Variants in CADM1 observed in about 807,000 individuals in gnomAD.
CADM1 encodes the protein TSLC-1.
A neutral mutation model predicts 53.1 loss-of-function variants in CADM1; 15 were observed. The ratio of observed to expected loss-of-function variants is 0.28; its 90% confidence interval spans 0.19 to 0.44. The LOEUF is 0.44. Ranked by LOEUF, CADM1 falls within the 20% of genes least tolerant of loss-of-function variation. The probability of loss-of-function intolerance (pLI) is 1.00; values close to 1 mark genes in which losing one functional copy is unlikely to be tolerated. For synonymous variants in CADM1, 281 were observed against 243.0 expected, an observed-to-expected ratio of 1.16 and a Z score of -1.45; for missense variants, 434 against 611.3, an observed-to-expected ratio of 0.71 and a Z score of 3.06.
Position 115,504,390 on chromosome 11 carries a change from G to A in CADM1, c.5C>T (p.Ala2Val), listed in dbSNP as rs1488088409. The A allele has an allele frequency of 7.8e-6, 12 of 1,545,714 alleles. No individual in the cohort carries two copies. The highest frequency in any genetic ancestry group is 1.2e-5 in the South Asian group (1 of 83,948). Reference protein sequence around the residue: MASVVLPSGSQC... With the variant: MVSVVLPSGSQC... ...GGATCCGCTCGGCAGCACTACACTC[G>A]CCATGTCGGGCACCTGCCTCAGACT... Residue 2 changes from alanine (A) to valine (V), a missense_variant, in exon 1 of 12, where the codon GCG becomes GTG. Transcript: ENST00000331581.
rs999057116 is a variant in CADM1 at position 115,172,739 on chromosome 11, T to C, written c.*3735A>G. ...CTGCATATCTGATTTTTTTTTTTTT[T>C]TTTTTTTTTTTTTTTTTTTAACAGA... On this transcript the variant is annotated 3_prime_UTR_variant, in exon 12 of 12. Transcript: ENST00000331581. The C allele has an allele frequency of 1.5e-5, 1 of 64,982 alleles. No homozygotes were observed. Among genetic ancestry groups the C allele is most frequent in the Non-Finnish European group, 3.1e-5 (1 of 32,288 alleles). 4.0% of individuals were successfully genotyped at this position (64,982 alleles called of 1,614,324 possible). A position where few individuals can be genotyped will look rare whatever the true frequency, so the allele number is the denominator to read the frequency against.
chr11:115,340,915 A>G (rs978878810), intron 1 of CADM1, among the ~76,000 whole-genome samples: 4 of 151,442 alleles, frequency 2.6e-5, no homozygotes, highest in Admixed American at 2.6e-4. Context: ...CAGCCTCCCA[A>G]AGTGCTGGGA....
At chr11:115,289,539 G>C (rs7936399) in intron 1 of CADM1, among the ~76,000 whole-genome samples, 3 of 150,808 alleles carry the variant, frequency 2.0e-5, no homozygotes, top group African/African-American at 7.3e-5. Flanking sequence ...TCAACATATG[G>C]GAGCACTTGA....
intron 1 of CADM1, among the ~76,000 whole-genome samples, chr11:115,426,067 G>A (rs1479108216): frequency 6.6e-6 from 1 of 152,194 alleles, no homozygotes; most frequent in African/African-American, 2.4e-5. Context: ...CAGGTGACAA[G>A]GAGGCAGGAG....
chr11:115,343,058 T>C (rs1265389478), intron 1 of CADM1, among the ~76,000 whole-genome samples: 1 of 152,188 alleles, frequency 6.6e-6, no homozygotes, highest in Non-Finnish European at 1.5e-5. Flanking sequence ...ATTATGATGG[T>C]AATAATGAAA....
At chr11:115,266,254 A>G (rs35208646) in intron 1 of CADM1, among the ~76,000 whole-genome samples, 26,435 of 152,278 alleles carry the variant, frequency 0.17, 2,504 homozygotes, top group South Asian at 0.33. Flanking sequence ...CCATGTCTTA[A>G]CATTAGGTGG....
chr11:115,252,435 A>G (rs1565325806), intron 1 of CADM1, among the ~76,000 whole-genome samples: 1 of 152,178 alleles, frequency 6.6e-6, no homozygotes, highest in African/African-American at 2.4e-5. Flanking sequence ...AGGTTTAGCT[A>G]TAATTGTTTT....
In CADM1 at chr11:115,392,138, T is replaced by G. The variant is rs545425551; in HGVS notation, c.124+112133A>C. ...CCTAGTACTCCTAGTCCTTCTTACCTTGCTTATTTTTTTCCATAGTTGCTG... is the reference window on the plus strand; with the variant it reads ...CCTAGTACTCCTAGTCCTTCTTACCGTGCTTATTTTTTTCCATAGTTGCTG... On this transcript the variant is annotated intron_variant, in intron 1 of 11. Coordinates refer to ENST00000331581, the MANE Select transcript of CADM1 (RefSeq NM_001301043.2). Among the ~76,000 whole-genome samples the G allele has an allele frequency of 2.6e-5, 4 of 152,114 alleles. No homozygotes were observed. In the East Asian group the frequency reaches 7.7e-4, roughly 29 times the overall value.
At chr11:115,262,059 G>A (rs771633197) in intron 1 of CADM1, among the ~76,000 whole-genome samples, 1 of 151,864 alleles carries the variant, frequency 6.6e-6, no homozygotes, top group Admixed American at 6.6e-5. Context: ...GATTACAGGC[G>A]TGAGCCACCG....
At chr11:115,378,242 C>G (rs1432102672) in intron 1 of CADM1, among the ~76,000 whole-genome samples, 1 of 152,080 alleles carries the variant, frequency 6.6e-6, no homozygotes, top group African/African-American at 2.4e-5. Flanking sequence ...TGACAGCATC[C>G]TCAGGACTAA....
At chr11:115,253,366 T>C (rs185242337) in intron 1 of CADM1, among the ~76,000 whole-genome samples, 12 of 152,212 alleles carry the variant, frequency 7.9e-5, no homozygotes, top group African/African-American at 2.7e-4. Context: ...TCCTGCTTTC[T>C]AATGAGTTCC....
chr11:115,426,130 C>G (rs1947885774), intron 1 of CADM1, among the ~76,000 whole-genome samples: 1 of 152,172 alleles, frequency 6.6e-6, no homozygotes, highest in South Asian at 2.1e-4. Context: ...GAAAATAAAT[C>G]TTAGCAGCAG....
rs564542127 is a variant in CADM1, at chr11:115,300,099, C to G, written c.125-59679G>C. ...ACAGACTTTTTTTGGTTGATCCAGC[C>G]TAAATTAGGCTACAAAAAGGGAAGT... On this transcript the variant is annotated intron_variant, in intron 1 of 11. Coordinates refer to ENST00000331581, the MANE Select transcript of CADM1 (RefSeq NM_001301043.2). 2.0e-3 allele frequency among the ~76,000 whole-genome samples: 311 copies of G among 152,078 alleles called. 1 individual carries two copies. The highest frequency in any genetic ancestry group is 7.1e-3 in the African/African-American group (296 of 41,488).
chr11:115,319,105 G>GC (rs1290173926), intron 1 of CADM1, among the ~76,000 whole-genome samples: 1 of 152,160 alleles, frequency 6.6e-6, no homozygotes, highest in African/African-American at 2.4e-5. Context: ...GGCAGAGAAT[G>GC]CTAGTTGCCT....
In CADM1 at chr11:115,353,454, T is replaced by A. The variant is rs565979803; in HGVS notation, c.125-113034A>T. ...AATAGCGGCATGTTGCTATTTAAAC[T>A]TAAGTTTAATTAATTCCATAACATT... On this transcript the variant is annotated intron_variant, in intron 1 of 11. Transcript: ENST00000331581. 2.0e-5 allele frequency among the ~76,000 whole-genome samples: 3 copies of A among 152,154 alleles called. 1 individual carries two copies. The South Asian group carries it at 6.2e-4, about 32-fold the overall frequency.
chr11:115,434,821 G>GT (rs1948142176), intron 1 of CADM1, among the ~76,000 whole-genome samples: 1 of 149,626 alleles, frequency 6.7e-6, no homozygotes, highest in Non-Finnish European at 1.5e-5. Flanking sequence ...TCTGACAATT[G>GT]TATCAGTTCT....
At chr11:115,188,723 C>T (rs1268398345) in intron 10 of CADM1, among the ~76,000 whole-genome samples, 5 of 152,086 alleles carry the variant, frequency 3.3e-5, no homozygotes, top group Non-Finnish European at 5.9e-5. Flanking sequence ...GGGTGTTAAC[C>T]GGTTTGTCTT....
chr11:115,442,102 A>T (rs1304671173), intron 1 of CADM1, among the ~76,000 whole-genome samples: 1 of 151,896 alleles, frequency 6.6e-6, no homozygotes, highest in Non-Finnish European at 1.5e-5. Flanking sequence ...GCATGTGCTA[A>T]GTGGTGGGAG....
At chr11:115,439,922 T>G (rs1312579483) in intron 1 of CADM1, among the ~76,000 whole-genome samples, 1 of 152,252 alleles carries the variant, frequency 6.6e-6, no homozygotes, top group Non-Finnish European at 1.5e-5. Flanking sequence ...CTAATAAATT[T>G]CTTTTTAAAA....
Sources: gnomAD v4.1 joint callset for allele counts (sites outside exome capture counted in the v4.1 genomes callset) on GRCh38, gnomAD v4.1.1 for gene constraint, MANE v1.5 for transcripts, NCBI Gene and HGNC (gene_info 2026-07-23, HGNC 2026-07-21) for gene names.